KATNIP: variants seen among roughly 807,000 people sequenced by gnomAD.
The protein encoded by KATNIP is katanin-interacting protein.
In KATNIP, 126 loss-of-function variants were observed where a neutral mutation model predicts 174.0. The observed-to-expected ratio is 0.72, with a 90% CI of 0.63 to 0.84. The LOEUF (loss-of-function observed/expected upper bound fraction) is 0.84. Ranked by LOEUF, KATNIP falls within the 40% of genes least tolerant of loss-of-function variation. The pLI, the probability that KATNIP is intolerant of heterozygous loss-of-function variation, is 0.00. For synonymous variants in KATNIP, 810 were observed against 835.7 expected (o/e 0.97, Z 0.53); for missense variants, 1,958 against 2,109.7 (o/e 0.93, Z 1.41).
At chr16:27,671,366 C>T (rs1187714814) in intron 6 of KATNIP, among the ~76,000 whole-genome samples, 1 of 152,016 alleles carries the variant, frequency 6.6e-6, no homozygotes, top group Non-Finnish European at 1.5e-5. Context: ...GATATCTGCC[C>T]AAAGAAGTAC....
At chr16:27,718,282 G>T (rs773341389) in intron 13 of KATNIP, 8 of 152,246 alleles carry the variant, frequency 5.3e-5, no homozygotes, top group Non-Finnish European at 1.2e-4. Context: ...TGAACCAAGG[G>T]CGGTAACAGC....
At chr16:27,631,530 G>A (rs1382359859) in intron 5 of KATNIP, among the ~76,000 whole-genome samples, 1 of 150,034 alleles carries the variant, frequency 6.7e-6, no homozygotes, top group Non-Finnish European at 1.5e-5. Flanking sequence ...GGGCAACAGA[G>A]CAAGAGCCTG....
At chr16:27,604,620 A>T (rs1490232639) in intron 2 of KATNIP, among the ~76,000 whole-genome samples, 2 of 152,202 alleles carry the variant, frequency 1.3e-5, no homozygotes, top group Non-Finnish European at 2.9e-5. Context: ...TCACTGTTGT[A>T]TCTCCAGAGA....
intron 2 of KATNIP, among the ~76,000 whole-genome samples, chr16:27,591,513 A>T (rs1047479732): frequency 2.0e-5 from 3 of 152,050 alleles, no homozygotes; most frequent in Non-Finnish European, 4.4e-5. Flanking sequence ...ACTGGGTTCA[A>T]ATACCATATC....
chr16:27,649,414 C>G (rs1012657094), intron 6 of KATNIP, among the ~76,000 whole-genome samples: 1 of 152,348 alleles, frequency 6.6e-6, no homozygotes, highest in East Asian at 1.9e-4. Context: ...AAGCACCTCT[C>G]ACTGACCATC....
chr16:27,641,016 T>G (rs2076777792), intron 5 of KATNIP, among the ~76,000 whole-genome samples: 1 of 151,988 alleles, frequency 6.6e-6, no homozygotes, highest in Admixed American at 6.6e-5. Flanking sequence ...TGAATGTCTG[T>G]AATCCCAGCT....
chr16:27,727,542 G>A (rs537282940), intron 14 of KATNIP: 1 of 152,482 alleles, frequency 6.6e-6, no homozygotes, highest in East Asian at 1.9e-4. Context: ...CCCCGAGAGA[G>A]GAGGCTCAAG....
At chr16:27,602,393 C>G (rs1447991626) in intron 2 of KATNIP, among the ~76,000 whole-genome samples, 2 of 152,176 alleles carry the variant, frequency 1.3e-5, no homozygotes. Context: ...CTCCCACTCC[C>G]CTGCCTTGTT....
chr16:27,558,235 T>A (rs1247183453), intron 1 of KATNIP, among the ~76,000 whole-genome samples: 3 of 152,192 alleles, frequency 2.0e-5, no homozygotes, highest in Non-Finnish European at 2.9e-5. Flanking sequence ...AGCCTCTGCC[T>A]CCTGGGTTCC....
intron 1 of KATNIP, among the ~76,000 whole-genome samples, chr16:27,568,699 G>A (rs1407821324): frequency 2.0e-5 from 3 of 152,016 alleles, no homozygotes; most frequent in South Asian, 2.1e-4. Context: ...TCTTGACCTC[G>A]TGATCTGCCC....
intron 2 of KATNIP, among the ~76,000 whole-genome samples, chr16:27,598,203 C>A (rs1166038085): frequency 6.7e-6 from 1 of 148,494 alleles, no homozygotes; most frequent in Non-Finnish European, 1.5e-5. Flanking sequence ...AATGCGCCAC[C>A]ATTGCACTGC....
intron 13 of KATNIP, among the ~76,000 whole-genome samples, chr16:27,710,415 AT>A (rs1355957019): frequency 6.6e-6 from 1 of 152,112 alleles, no homozygotes; most frequent in Non-Finnish European, 1.5e-5. Flanking sequence ...GGGTACTGGC[AT>A]TTTTTCCTTC....
At chr16:27,568,431 A>G (rs1211921199) in intron 1 of KATNIP, among the ~76,000 whole-genome samples, 1 of 152,214 alleles carries the variant, frequency 6.6e-6, no homozygotes, top group African/African-American at 2.4e-5. Context: ...TTGAGGGATT[A>G]CAGGTGTGAG....
intron 14 of KATNIP, among the ~76,000 whole-genome samples, chr16:27,733,003 C>T (rs1455745876): frequency 6.6e-6 from 1 of 152,200 alleles, no homozygotes; most frequent in East Asian, 1.9e-4. Context: ...CCAGTTGTGT[C>T]GCCATGCCAA....
At chr16:27,580,305 GT>G (rs2090648766) in intron 2 of KATNIP, among the ~76,000 whole-genome samples, 1 of 152,128 alleles carries the variant, frequency 6.6e-6, no homozygotes, top group East Asian at 1.9e-4. Context: ...TAGAAACAGG[GT>G]TTTGCCGTGT....
intron 12 of KATNIP, among the ~76,000 whole-genome samples, chr16:27,704,545 G>A (rs1323831218): frequency 6.6e-6 from 1 of 152,142 alleles, no homozygotes; most frequent in Non-Finnish European, 1.5e-5. Flanking sequence ...GAACTAAAAA[G>A]CTAGAGGCAG....
chr16:27,627,790 TTGTC>T (rs1161481368), intron 3 of KATNIP, among the ~76,000 whole-genome samples: 1 of 152,204 alleles, frequency 6.6e-6, no homozygotes, highest in Non-Finnish European at 1.5e-5. Context: ...GGTTGGCTGG[TTGTC>T]TGTATAAATG....
rs576494244 is a variant in KATNIP, at chr16:27,773,669, T to A, written c.4309+460T>A. On this transcript the variant is annotated intron_variant, in intron 23 of 27. Coordinates refer to ENST00000261588, the MANE Select transcript of KATNIP (RefSeq NM_015202.5). ...TGCATTTTAAAATGAGTTGCTAATA[T>A]TTTTAGAAATCACGAGGTTTCACAT... Among the ~76,000 whole-genome samples, 10 of 152,302 alleles carry A rather than the reference T, an allele frequency of 6.6e-5. No individual in the cohort carries two copies. The East Asian group carries it at 1.9e-3, about 29-fold the overall frequency.
At position 27,740,471 on chromosome 16, in the gene KATNIP, C is replaced by A. The variant is rs1335911076; in HGVS notation, c.2174C>A (p.Pro725His). Residue 725 changes from proline (P) to histidine (H), a missense_variant, in exon 15 of 28, where the codon CCT becomes CAT. Transcript: ENST00000261588. ...PATSPPVKCP[P>H]VHEEPSLIQQ... ...ACTTCCCCACCTGTGAAGTGCCCTC[C>A]TGTCCATGAGGAGCCCTCTCTCATC... 6.2e-7 allele frequency: 1 copy of A among 1,614,156 alleles called. No individual in the cohort carries two copies. Among genetic ancestry groups the A allele is most frequent in the Non-Finnish European group, 8.5e-7 (1 of 1,180,040 alleles).
Sources: gnomAD v4.1 joint callset for allele counts (sites outside exome capture counted in the v4.1 genomes callset) on GRCh38, gnomAD v4.1.1 for gene constraint, MANE v1.5 for transcripts, NCBI Gene and HGNC (gene_info 2026-07-23, HGNC 2026-07-21) for gene names.